BRAF: variants seen among roughly 807,000 people sequenced by gnomAD.
BRAF encodes the protein B-Raf proto-oncogene, serine/threonine kinase.
BRAF carries 16 observed loss-of-function variants against 104.6 expected under a neutral mutation model. That is an observed-to-expected ratio of 0.15 (90% CI 0.10 to 0.23). The LOEUF (loss-of-function observed/expected upper bound fraction) is 0.23, where lower values mean the gene tolerates loss of function less well. BRAF is among the 10% of genes least tolerant of loss of function. BRAF has a pLI of 1.00. For missense variants in BRAF, 541 were observed against 937.3 expected (o/e 0.58, Z 5.52); for synonymous variants, 310 against 341.6 (o/e 0.91, Z 1.02).
At chr7:140,895,569 G>A (rs1408040975) in intron 1 of BRAF, among the ~76,000 whole-genome samples, 1 of 152,066 alleles carries the variant, frequency 6.6e-6, no homozygotes, top group Non-Finnish European at 1.5e-5. Context: ...AATCTCCCCA[G>A]AGCTTCCACT....
rs1586147566 is a variant in BRAF at position 140,783,338 on chromosome 7, T to C, written c.1298-181A>G. On this transcript the variant is annotated intron_variant, in intron 10 of 19. Transcript: ENST00000644969. ...ATTTGGTGATTACAACTATAATTTC[T>C]TTTAGTTTTCTGGCCAATTTAATGA... 8 of 693,556 alleles carry C rather than the reference T, an allele frequency of 1.2e-5. No individual in the cohort carries two copies. In the East Asian group the frequency reaches 1.4e-4, roughly 12 times the overall value. The allele number at this position is 693,556 out of a possible 1,614,324, so 43.0% of individuals were successfully genotyped here.
intron 3 of BRAF, among the ~76,000 whole-genome samples, chr7:140,811,483 T>C (rs1481767142): frequency 1.3e-5 from 2 of 152,100 alleles, no homozygotes; most frequent in Non-Finnish European, 1.5e-5. Flanking sequence ...TAGCTGACAA[T>C]GTTAGACAAC....
intron 1 of BRAF, among the ~76,000 whole-genome samples, chr7:140,866,346 T>C (rs10226704): frequency 0.012 from 1,837 of 152,290 alleles, 34 homozygotes; most frequent in African/African-American, 0.041. Context: ...GGGACACCAT[T>C]CCAGAGCACC....
chr7:140,907,529 G>A (rs2129136130), intron 1 of BRAF, among the ~76,000 whole-genome samples: 1 of 152,178 alleles, frequency 6.6e-6, no homozygotes, highest in Non-Finnish European at 1.5e-5. Context: ...CCAAAGTGCT[G>A]GGATTACAGG....
In BRAF at chr7:140,720,586, C is replaced by G. The variant is rs980016921; in HGVS notation, c.*5908G>C. ...TAGAATAAAAAGCATACTTATTGCA[C>G]TCTTACATTTGATTTCAGGTAATTA... On this transcript the variant is annotated 3_prime_UTR_variant, in exon 20 of 20. Transcript: ENST00000644969. 9.4e-7 allele frequency: 1 copy of G among 1,065,570 alleles called. No homozygotes were observed. The allele number at this position is 1,065,570 out of a possible 1,614,324, so 66.0% of individuals were successfully genotyped here. A position where few individuals can be genotyped will look rare whatever the true frequency, so the allele number is the denominator to read the frequency against.
Position 140,721,404 on chromosome 7 carries a change from C to G in BRAF, c.*5090G>C. On this transcript the variant is annotated 3_prime_UTR_variant, in exon 20 of 20. Coordinates refer to ENST00000644969, the MANE Select transcript of BRAF (RefSeq NM_001374258.1). ...TAGGAACTGTTAATTACCCTTTCCA[C>G]AATTAACAAAAATTAGAATTGAATT... 8.0e-7 allele frequency: 1 copy of G among 1,252,204 alleles called. No individual in the cohort carries two copies. The highest frequency in any genetic ancestry group is 1.0e-6 in the Non-Finnish European group (1 of 999,602). The allele number at this position is 1,252,204 out of a possible 1,614,324, so 77.6% of individuals were successfully genotyped here.
intron 13 of BRAF, among the ~76,000 whole-genome samples, chr7:140,777,684 T>C (rs969949962): frequency 6.6e-6 from 1 of 152,218 alleles, no homozygotes; most frequent in Non-Finnish European, 1.5e-5. Context: ...CACCTCTAAA[T>C]GTATTCTGAT....
intron 3 of BRAF, chr7:140,823,631 A>G (rs143777814): frequency 6.6e-6 from 1 of 152,352 alleles, no homozygotes; most frequent in African/African-American, 2.4e-5. Flanking sequence ...GAGTGTACAA[A>G]TATCTCTTTG....
intron 1 of BRAF, among the ~76,000 whole-genome samples, chr7:140,887,519 CT>C (rs1351378584): frequency 6.6e-6 from 1 of 151,782 alleles, no homozygotes; most frequent in Non-Finnish European, 1.5e-5. Context: ...GCTAAAATTA[CT>C]TTTCCCTTTT....
At chr7:140,800,211 C>G in intron 7 of BRAF, 151 bp downstream of exon 7, 1 of 1,189,712 alleles carries the variant, frequency 8.4e-7, no homozygotes, top group Non-Finnish European at 1.2e-6. Context: ...GTATCAAATG[C>G]ATGTAAATAT....
At chr7:140,738,196 A>T (rs1796600967) in intron 18 of BRAF, among the ~76,000 whole-genome samples, 1 of 152,200 alleles carries the variant, frequency 6.6e-6, no homozygotes, top group South Asian at 2.1e-4. Flanking sequence ...AAACCTGATA[A>T]ATGAAACTTA....
chr7:140,739,783 C>G, intron 18 of BRAF, 29 bp downstream of exon 17: 1 of 1,611,108 alleles, frequency 6.2e-7, no homozygotes, highest in Non-Finnish European at 8.5e-7. Context: ...TTAGTCTGTT[C>G]TTTTGGATAG....
intron 3 of BRAF, among the ~76,000 whole-genome samples, chr7:140,833,256 T>A (rs1189320683): frequency 6.6e-6 from 1 of 152,154 alleles, no homozygotes; most frequent in African/African-American, 2.4e-5. Flanking sequence ...TACATTTGTA[T>A]ACAGAAACTC....
In BRAF at chr7:140,772,073, T is replaced by C. The variant is rs138000998; in HGVS notation, c.1814+4839A>G. On this transcript the variant is annotated intron_variant, in intron 14 of 19. Transcript: ENST00000644969. ...AAGGAATTCCATCTGTGCCATTTGA[T>C]CCATGGGAATAGATAGGGGGAAATT... Among the ~76,000 whole-genome samples the C allele has an allele frequency of 2.6e-5, 4 of 152,092 alleles. No individual in the cohort carries two copies. In the East Asian group the frequency reaches 7.7e-4, roughly 29 times the overall value.
chr7:140,897,626 C>T (rs1815107731), intron 1 of BRAF, among the ~76,000 whole-genome samples: 1 of 149,358 alleles, frequency 6.7e-6, no homozygotes, highest in Non-Finnish European at 1.5e-5. Context: ...TATCGAGTAT[C>T]TGGGACTACA....
chr7:140,741,984 C>A (rs189904749), intron 17 of BRAF, among the ~76,000 whole-genome samples: 17 of 151,950 alleles, frequency 1.1e-4, no homozygotes, highest in Non-Finnish European at 2.2e-4. Flanking sequence ...TAAAAAATAT[C>A]TATAACACCA....
intron 14 of BRAF, among the ~76,000 whole-genome samples, chr7:140,755,454 T>A (rs571210137): frequency 6.6e-6 from 1 of 152,218 alleles, no homozygotes; most frequent in Non-Finnish European, 1.5e-5. Flanking sequence ...CATCTTCATT[T>A]AAACGTCCTC....
intron 3 of BRAF, among the ~76,000 whole-genome samples, chr7:140,828,279 A>G (rs145302558): frequency 8.5e-5 from 13 of 152,242 alleles, no homozygotes; most frequent in Middle Eastern, 3.4e-3. Flanking sequence ...TGTAAAATCC[A>G]TTCTTAGTTC....
chr7:140,850,301 T>G, intron 1 of BRAF, 89 bp from the exon 2 acceptor site: 1 of 1,005,112 alleles, frequency 9.9e-7, no homozygotes, highest in Non-Finnish European at 1.5e-6. Flanking sequence ...TCACAGTAAC[T>G]GCCAGTGTTC....
Sources: allele counts gnomAD v4.1 joint callset (sites outside exome capture counted in the v4.1 genomes callset), GRCh38; gene constraint gnomAD v4.1.1; transcripts MANE v1.5; gene names NCBI Gene and HGNC (gene_info 2026-07-23, HGNC 2026-07-21).